Variants in FAM149B1 observed in about 807,000 individuals in gnomAD.
The protein encoded by FAM149B1 is family with sequence similarity 149 member B1.
Under a neutral mutation model 75.3 loss-of-function variants are expected in FAM149B1, and 56 were observed. The ratio of observed to expected loss-of-function variants is 0.74; its 90% CI spans 0.60 to 0.93. The LOEUF is 0.93. Among genes scored for constraint, FAM149B1 ranks in the 40% least tolerant of loss-of-function variants. The pLI is 0.00. For synonymous variants in FAM149B1, 259 were observed against 256.1 expected, an observed-to-expected ratio of 1.01 and a Z score of -0.11; for missense variants, 639 against 708.4, an observed-to-expected ratio of 0.90 and a Z score of 1.11.
chr10:73,179,777 TATAGTTGTATGATACATGTAC>T (rs1414476021), intron 3 of FAM149B1, among the ~76,000 whole-genome samples: 3 of 152,182 alleles, frequency 2.0e-5, no homozygotes, highest in Non-Finnish European at 4.4e-5. Context: ...TTTCCTTATA[TATAGTTGTATGATACATGTAC>T]ATACTATTTT....
intron 3 of FAM149B1, 66 bp from the exon 4 acceptor site, chr10:73,192,490 C>G: frequency 6.9e-7 from 1 of 1,454,002 alleles, no homozygotes; most frequent in Non-Finnish European, 9.3e-7. Flanking sequence ...TGCTTTTAAT[C>G]TTTATAATTT....
At chr10:73,190,262 C>A (rs1235583156) in intron 3 of FAM149B1, among the ~76,000 whole-genome samples, 1 of 149,164 alleles carries the variant, frequency 6.7e-6, no homozygotes, top group African/African-American at 2.5e-5. Flanking sequence ...TTTTTAGACC[C>A]GAAGAAAGAC....
chr10:73,173,819 T>C (rs1843823407), intron 1 of FAM149B1, among the ~76,000 whole-genome samples: 1 of 152,214 alleles, frequency 6.6e-6, no homozygotes, highest in Admixed American at 6.5e-5. Flanking sequence ...CTTCAAATTG[T>C]TGCAAATCTC....
intron 12 of FAM149B1, among the ~76,000 whole-genome samples, chr10:73,237,838 C>A (rs560532039): frequency 3.3e-5 from 5 of 152,142 alleles, no homozygotes; most frequent in African/African-American, 1.2e-4. Context: ...ATCCTCCCAC[C>A]GCAGCCTCCC....
At chr10:73,169,359 G>A (rs754954759) in intron 1 of FAM149B1, among the ~76,000 whole-genome samples, 1 of 151,588 alleles carries the variant, frequency 6.6e-6, no homozygotes, top group African/African-American at 2.4e-5. Context: ...AAAATAAAAA[G>A]AGCTGCCCCC....
rs1360802682 is a variant in FAM149B1 at position 73,168,186 on chromosome 10, T to A, written c.-154T>A. On this transcript the variant is annotated 5_prime_UTR_variant, in exon 1 of 14. Transcript: ENST00000242505. ...GAGGTGGGGACCCTGGGGAGGTGGC[T>A]GCTCGGAGTCTAGGTGACGGGGCGA... is the stretch of plus-strand genomic sequence containing the variant. 1 of 746,584 alleles carries A rather than the reference T, an allele frequency of 1.3e-6. No homozygotes were observed. Among genetic ancestry groups the A allele is most frequent in the Non-Finnish European group, 2.1e-6 (1 of 469,620 alleles). 46.2% of individuals were successfully genotyped at this position (746,584 alleles called of 1,614,324 possible). A position where few individuals can be genotyped will look rare whatever the true frequency, so the allele number is the denominator to read the frequency against.
chr10:73,237,726 A>G (rs528022319), intron 12 of FAM149B1, among the ~76,000 whole-genome samples: 6 of 151,916 alleles, frequency 3.9e-5, no homozygotes, highest in African/African-American at 1.2e-4. Context: ...TCAGCCAAAC[A>G]TTTCATTTTT....
chr10:73,191,953 T>G (rs1047301671), intron 3 of FAM149B1, among the ~76,000 whole-genome samples: 5 of 152,120 alleles, frequency 3.3e-5, no homozygotes, highest in Admixed American at 1.3e-4. Context: ...TAGAATAGAG[T>G]GCAATGGCAC....
chr10:73,234,536 T>A (rs918408004), intron 10 of FAM149B1: 3 of 350,182 alleles, frequency 8.6e-6, no homozygotes, highest in Non-Finnish European at 1.6e-5. Flanking sequence ...AGAAGTGCAA[T>A]ACCAGATAGG....
chr10:73,242,578 TCTTTTATAAAAGGGAA>T lies in FAM149B1; in HGVS notation c.*1561_*1576del, dbSNP rs2043967180. The T allele has an allele frequency of 6.6e-6, 1 of 152,210 alleles. No individual in the cohort carries two copies. The highest frequency in any genetic ancestry group is 6.5e-5 in the Admixed American group (1 of 15,284). The allele number at this position is 152,210 out of a possible 1,614,324, so 9.4% of individuals were successfully genotyped here. A position where few individuals can be genotyped will look rare whatever the true frequency, so the allele number is the denominator to read the frequency against. On this transcript the variant is annotated 3_prime_UTR_variant, in exon 14 of 14. Transcript: ENST00000242505. ...TCACTCTTTGTTTTGATGTAGTAAC[TCTTTTATAAAAGGGAA>T]CAGATTCAGACAAGCTCAGTGGCCC...
chr10:73,172,083 A>AT, intron 1 of FAM149B1, among the ~76,000 whole-genome samples: 1 of 145,246 alleles, frequency 6.9e-6, no homozygotes, highest in African/African-American at 2.8e-5. Context: ...AAATTTAATG[A>AT]TATTTTTTGT....
At chr10:73,182,609 T>C (rs1017479285) in intron 3 of FAM149B1, among the ~76,000 whole-genome samples, 4 of 152,222 alleles carry the variant, frequency 2.6e-5, no homozygotes, top group Admixed American at 2.6e-4. Context: ...CCAGCCATCA[T>C]ATTGCGAGGA....
At chr10:73,175,095 G>T (rs1323274528) in intron 2 of FAM149B1, among the ~76,000 whole-genome samples, 3 of 152,024 alleles carry the variant, frequency 2.0e-5, no homozygotes, top group African/African-American at 7.3e-5. Flanking sequence ...ATGGAGCTTG[G>T]TACTTACAAT....
intron 3 of FAM149B1, among the ~76,000 whole-genome samples, chr10:73,191,636 G>T (rs1056338512): frequency 6.6e-6 from 1 of 152,078 alleles, no homozygotes; most frequent in Non-Finnish European, 1.5e-5. Context: ...ACTGTGCCTG[G>T]CCTGACTATT....
chr10:73,198,098 A>G (rs1472063348), intron 5 of FAM149B1, among the ~76,000 whole-genome samples: 4 of 152,232 alleles, frequency 2.6e-5, no homozygotes, highest in Non-Finnish European at 4.4e-5. Flanking sequence ...TGCCAAGACT[A>G]CCTGGGTAAA....
At position 73,178,037 on chromosome 10, in the gene FAM149B1, G is replaced by A. The variant is rs186193132; in HGVS notation, c.282+62G>A. On this transcript the variant is annotated intron_variant, in intron 3 of 13. Transcript: ENST00000242505. ...GAGATGATTCTGGGAATTAGGATTT[G>A]TCAGTATATTTCATTCCTTCACTCT... 594 of 1,462,268 alleles carry A rather than the reference G, an allele frequency of 4.1e-4. No individual in the cohort carries two copies. In the African/African-American group the frequency reaches 7.7e-3, roughly 19 times the overall value. The allele number at this position is 1,462,268 out of a possible 1,614,324, so 90.6% of individuals were successfully genotyped here. A position where few individuals can be genotyped will look rare whatever the true frequency, so the allele number is the denominator to read the frequency against.
intron 5 of FAM149B1, among the ~76,000 whole-genome samples, chr10:73,207,361 C>T (rs954583255): frequency 1.3e-5 from 2 of 151,912 alleles, no homozygotes; most frequent in Non-Finnish European, 2.9e-5. Flanking sequence ...ACCAGGAGTT[C>T]GAGACCAGCC....
intron 3 of FAM149B1, among the ~76,000 whole-genome samples, chr10:73,181,212 C>T (rs183954206): frequency 2.0e-4 from 31 of 152,012 alleles, no homozygotes; most frequent in Admixed American, 1.6e-3. Flanking sequence ...GGTTTCACCA[C>T]GTTATCCAGG....
chr10:73,211,825 T>C (rs1035001327), intron 7 of FAM149B1, among the ~76,000 whole-genome samples: 4 of 152,236 alleles, frequency 2.6e-5, no homozygotes, highest in African/African-American at 7.2e-5. Flanking sequence ...GGGTTTCTTA[T>C]GTGCATGTAT....
Sources: gnomAD v4.1 joint callset for allele counts (sites outside exome capture counted in the v4.1 genomes callset) on GRCh38, gnomAD v4.1.1 for gene constraint, MANE v1.5 for transcripts, NCBI Gene and HGNC (gene_info 2026-07-23, HGNC 2026-07-21) for gene names.